CYP3A43: variants seen among roughly 807,000 people sequenced by gnomAD.
CYP3A43 encodes the protein cytochrome P450 family 3 subfamily A member 43, also known as cytochrome P450 3A43.
A neutral mutation model predicts 58.0 loss-of-function variants in CYP3A43; 45 were observed. The observed-to-expected ratio is 0.78, with a 90% CI of 0.61 to 0.99. The LOEUF is 0.99. CYP3A43 is among the 50% of genes least tolerant of loss of function. CYP3A43 has a pLI of 0.00. For synonymous variants in CYP3A43, 191 were observed against 201.4 expected, an observed-to-expected ratio of 0.95 and a Z score of 0.44; for missense variants, 593 against 591.9, an observed-to-expected ratio of 1.00 and a Z score of -0.02.
At chr7:99,838,589 A>G (rs1817186677) in intron 2 of CYP3A43, 3 of 1,060,186 alleles carry the variant, frequency 2.8e-6, no homozygotes, top group South Asian at 3.0e-5. Flanking sequence ...TAAGTCATTC[A>G]ATATCTACAC....
At chr7:99,853,578 T>G (rs1055386940) in intron 7 of CYP3A43, among the ~76,000 whole-genome samples, 1 of 152,196 alleles carries the variant, frequency 6.6e-6, no homozygotes, top group Admixed American at 6.5e-5. Flanking sequence ...TTTTTTGAGA[T>G]GGACTTTTGC....
chr7:99,857,608 C>T (rs944670569), intron 9 of CYP3A43, among the ~76,000 whole-genome samples: 1 of 152,006 alleles, frequency 6.6e-6, no homozygotes, highest in African/African-American at 2.4e-5. Flanking sequence ...TTTGGGAGGC[C>T]GAGGCAGGTG....
At chr7:99,843,544 C>T (rs1193636445) in intron 3 of CYP3A43, among the ~76,000 whole-genome samples, 1 of 152,060 alleles carries the variant, frequency 6.6e-6, no homozygotes, top group Non-Finnish European at 1.5e-5. Context: ...TGGCTCACTG[C>T]AACCTCCACC....
At chr7:99,858,503 CGGTGAGCATGAAGT>C (rs558860433) in intron 9 of CYP3A43, among the ~76,000 whole-genome samples, 65 of 151,974 alleles carry the variant, frequency 4.3e-4, no homozygotes, top group African/African-American at 1.5e-3. Context: ...AAATGCTGTT[CGGTGAGCATGAAGT>C]GGAGCAGAGA....
chr7:99,838,852 C>A, intron 2 of CYP3A43: 2 of 527,766 alleles, frequency 3.8e-6, no homozygotes, highest in Non-Finnish European at 6.4e-6. Context: ...TGGTGGCGGG[C>A]CCCCATAATC....
At chr7:99,849,959 T>TC (rs893637283) in intron 7 of CYP3A43, 1 of 416,536 alleles carries the variant, frequency 2.4e-6, no homozygotes, top group Non-Finnish European at 4.6e-6. Context: ...CTCACCATTT[T>TC]TTTTTTTTTT....
intron 1 of CYP3A43, among the ~76,000 whole-genome samples, chr7:99,828,651 A>G (rs1816717858): frequency 6.6e-6 from 1 of 151,650 alleles, no homozygotes; most frequent in Non-Finnish European, 1.5e-5. Flanking sequence ...ACAGAGCAAG[A>G]CTCCGTCTCA....
chr7:99,862,605 T>C (rs2151627300), intron 11 of CYP3A43, among the ~76,000 whole-genome samples: 1 of 152,356 alleles, frequency 6.6e-6, no homozygotes, highest in Non-Finnish European at 1.5e-5. Flanking sequence ...GGTCAAGCTT[T>C]GGGCACAATT....
intron 6 of CYP3A43, among the ~76,000 whole-genome samples, chr7:99,848,598 G>A (rs1563066236): frequency 6.6e-6 from 1 of 152,160 alleles, no homozygotes; most frequent in Non-Finnish European, 1.5e-5. Context: ...GGGAGGGGAA[G>A]GTGTTTGATA....
intron 7 of CYP3A43, among the ~76,000 whole-genome samples, chr7:99,854,190 C>T (rs115982057): frequency 0.01 from 1,551 of 151,910 alleles, 26 homozygotes; most frequent in African/African-American, 0.033. Context: ...GGTCACCATC[C>T]TTCTACTCTC....
Position 99,844,182 on chromosome 7 carries a change from T to C in CYP3A43, c.258T>C (p.Asp86=), listed in dbSNP as rs975180383. ...AACAGCCCATGCTGGTCATCATGGATCCCGACATGATCAAAACAGTGTTAG... is the reference window on the plus strand; with the variant it reads ...AACAGCCCATGCTGGTCATCATGGACCCCGACATGATCAAAACAGTGTTAG... The part of the protein sequence containing the change: ...EGQQPMLVIM[D]PDMIKTVLVK... The change falls in exon 4 of 13, where the codon GAT becomes GAC. Residue 86 remains aspartate (D), a synonymous_variant. Transcript: ENST00000354829. The C allele has an allele frequency of 1.9e-6, 3 of 1,613,998 alleles. No homozygotes were observed. The highest frequency in any genetic ancestry group is 1.7e-6 in the Non-Finnish European group (2 of 1,179,974).
At chr7:99,845,038 C>T (rs1390795243) in intron 4 of CYP3A43, among the ~76,000 whole-genome samples, 1 of 148,202 alleles carries the variant, frequency 6.7e-6, no homozygotes, top group Non-Finnish European at 1.5e-5. Context: ...CATTGCACTC[C>T]AGCCTGGCAA....
chr7:99,863,779 C>A, intron 12 of CYP3A43, 80 bp downstream of exon 12: 4 of 1,182,768 alleles, frequency 3.4e-6, no homozygotes, highest in Non-Finnish European at 2.3e-6. Context: ...AATTATTGTT[C>A]ATTTTTCAAT....
In CYP3A43 at chr7:99,849,704, C is replaced by T; in HGVS notation, c.670+10C>T. 6.4e-7 allele frequency: 1 copy of T among 1,558,492 alleles called. No homozygotes were observed. Among genetic ancestry groups the T allele is most frequent in the East Asian group, 2.3e-5 (1 of 44,424 alleles). On this transcript the variant is annotated intron_variant, in intron 7 of 12. Transcript: ENST00000354829. ...TTTTTACTCTTAATATGTATGTGGA[C>T]TTTTATGTTATTTCTCTCTCTCTCT...
chr7:99,832,943 A>G (rs1407352680), intron 1 of CYP3A43, among the ~76,000 whole-genome samples: 1 of 152,188 alleles, frequency 6.6e-6, no homozygotes, highest in African/African-American at 2.4e-5. Context: ...GGACTAATAC[A>G]CCTAGAAAGA....
At chr7:99,831,522 T>C (rs1359545423) in intron 1 of CYP3A43, among the ~76,000 whole-genome samples, 2 of 152,254 alleles carry the variant, frequency 1.3e-5, no homozygotes, top group African/African-American at 4.8e-5. Context: ...CACCAGCAGT[T>C]GCATGGTTAC....
intron 5 of CYP3A43, chr7:99,847,876 G>A (rs575036539): frequency 2.0e-6 from 1 of 510,294 alleles, no homozygotes; most frequent in African/African-American, 1.9e-5. Context: ...GCTGGGCATG[G>A]TGGCGGATGC....
intron 1 of CYP3A43, among the ~76,000 whole-genome samples, chr7:99,835,419 T>C (rs1170094272): frequency 6.6e-6 from 1 of 152,208 alleles, no homozygotes; most frequent in Non-Finnish European, 1.5e-5. Context: ...TCTGGTTTTT[T>C]AGGATTATGA....
chr7:99,848,031 C>A, intron 5 of CYP3A43, 135 bp from the exon 6 acceptor site: 4 of 838,034 alleles, frequency 4.8e-6, no homozygotes, highest in South Asian at 1.8e-5. Context: ...GGGCAGGGGG[C>A]GGTCTTTTCT....
Sources: allele counts gnomAD v4.1 joint callset (sites outside exome capture counted in the v4.1 genomes callset), GRCh38; gene constraint gnomAD v4.1.1; transcripts MANE v1.5; gene names NCBI Gene and HGNC (gene_info 2026-07-23, HGNC 2026-07-21).